Variants in LARP4 observed in about 807,000 individuals in gnomAD.
LARP4 encodes la-related protein 4.
A neutral mutation model predicts 92.9 loss-of-function variants in LARP4; 29 were observed. The ratio of observed to expected loss-of-function variants is 0.31; its 90% CI spans 0.23 to 0.43. The LOEUF (loss-of-function observed/expected upper bound fraction) is 0.43, where lower values mean the gene tolerates loss of function less well. Ranked by LOEUF, LARP4 falls within the 20% of genes least tolerant of loss-of-function variation. The pLI is 1.00. For missense variants in LARP4, 732 were observed against 860.0 expected (o/e 0.85, Z 1.86); for synonymous variants, 279 against 284.1 (o/e 0.98, Z 0.18).
chr12:50,419,898 C>A (rs1244425331), intron 1 of LARP4, among the ~76,000 whole-genome samples: 1 of 151,980 alleles, frequency 6.6e-6, no homozygotes, highest in Non-Finnish European at 1.5e-5. Flanking sequence ...AGAGTGAGAC[C>A]CTGTCTAAAA....
intron 3 of LARP4, 111 bp downstream of exon 3, chr12:50,429,201 AAAG>A (rs1409048060): frequency 1.3e-6 from 1 of 745,606 alleles, no homozygotes; most frequent in Non-Finnish European, 2.2e-6. Flanking sequence ...TCTTATTTGA[AAAG>A]AAGGTTACGT....
At chr12:50,470,575 A>G (rs1451490467) in intron 13 of LARP4, among the ~76,000 whole-genome samples, 1 of 152,094 alleles carries the variant, frequency 6.6e-6, no homozygotes, top group Non-Finnish European at 1.5e-5. Context: ...CTGGGATTAC[A>G]GGCACTTGCC....
At chr12:50,408,253 A>C (rs1945211985) in intron 1 of LARP4, among the ~76,000 whole-genome samples, 1 of 127,308 alleles carries the variant, frequency 7.9e-6, no homozygotes, top group Non-Finnish European at 1.6e-5. Context: ...GCTGGAGTGC[A>C]ATGGTGTGAT....
At chr12:50,412,242 T>C (rs983386176) in intron 1 of LARP4, among the ~76,000 whole-genome samples, 2 of 152,240 alleles carry the variant, frequency 1.3e-5, no homozygotes, top group Non-Finnish European at 2.9e-5. Context: ...GGTAGGATTC[T>C]GAAGTTACTT....
intron 8 of LARP4, among the ~76,000 whole-genome samples, chr12:50,449,795 G>A (rs1481345635): frequency 6.6e-6 from 1 of 151,692 alleles, no homozygotes; most frequent in Admixed American, 6.6e-5. Flanking sequence ...TAAAAGTGTT[G>A]ATTTTTTAGC....
chr12:50,412,352 T>A (rs1190290491), intron 1 of LARP4: 6 of 778,946 alleles, frequency 7.7e-6, no homozygotes, highest in Non-Finnish European at 9.3e-6. Flanking sequence ...CCTGGATGAT[T>A]GATGGGGCAA....
chr12:50,423,830 C>T (rs1948274774), intron 1 of LARP4, among the ~76,000 whole-genome samples: 1 of 151,436 alleles, frequency 6.6e-6, no homozygotes, highest in Admixed American at 6.6e-5. Context: ...CGGCTCACTG[C>T]AATCTCCACC....
In LARP4 at chr12:50,424,231, A is replaced by G. The variant is rs975535794; in HGVS notation, c.19-3531A>G. ...CAAATTTTTTTTTAATTAGTGGAGC[A>G]TGGTGTTCCAGGCCTGTAGTCCTAG... On this transcript the variant is annotated intron_variant, in intron 1 of 15. Coordinates refer to ENST00000398473, the MANE Select transcript of LARP4 (RefSeq NM_052879.5). Among the ~76,000 whole-genome samples, 107 of 152,226 alleles carry G rather than the reference A, an allele frequency of 7.0e-4. 1 individual carries two copies. The highest frequency in any genetic ancestry group is 1.3e-4 in the Non-Finnish European group (9 of 68,006).
intron 1 of LARP4, among the ~76,000 whole-genome samples, chr12:50,426,731 G>GTGTGTGTGTGTGTGTGTGT (rs1483728898): frequency 3.8e-5 from 3 of 79,724 alleles, no homozygotes; most frequent in African/African-American, 2.1e-4. Flanking sequence ...GTGTGTGTGT[G>GTGTGTGTGTGTGTGTGTGT]GTTTTTTTTT....
chr12:50,413,097 CCTGTGATCCCAG>C (rs1326345926), intron 1 of LARP4, among the ~76,000 whole-genome samples: 1 of 151,922 alleles, frequency 6.6e-6, no homozygotes, highest in African/African-American at 2.4e-5. Context: ...GTGGTGGGCG[CCTGTGATCCCAG>C]CTACTCAGGA....
In LARP4 at chr12:50,437,689, T is replaced by C. The variant is rs183651827; in HGVS notation, c.536-46T>C. On this transcript the variant is annotated intron_variant, in intron 5 of 15. Transcript: ENST00000398473. ...AGTTTCTTTAATGGCATTAATAATA[T>C]CACTACTTGTCACGTTTGAGTGATA... 9 of 1,069,848 alleles carry C rather than the reference T, an allele frequency of 8.4e-6. No homozygotes were observed. In the African/African-American group the frequency reaches 1.3e-4, roughly 15 times the overall value. The allele number at this position is 1,069,848 out of a possible 1,614,324, so 66.3% of individuals were successfully genotyped here.
intron 8 of LARP4, among the ~76,000 whole-genome samples, chr12:50,449,276 A>T (rs1952722412): frequency 6.6e-6 from 1 of 152,076 alleles, no homozygotes; most frequent in African/African-American, 2.4e-5. Flanking sequence ...AAAAATCTGT[A>T]GTTTTTTCCT....
At chr12:50,406,014 AT>A (rs200957786) in intron 1 of LARP4, among the ~76,000 whole-genome samples, 2 of 151,458 alleles carry the variant, frequency 1.3e-5, no homozygotes, top group South Asian at 2.1e-4. Context: ...AGATGCAATG[AT>A]TTTTTTTTCT....
chr12:50,469,937 TAGGC>T (rs67945533), intron 13 of LARP4, among the ~76,000 whole-genome samples: 105,759 of 151,356 alleles, frequency 0.7, 43,613 homozygotes, highest in Non-Finnish European at 0.93. Context: ...AAAAAATAAA[TAGGC>T]AGGCACATTG....
intron 1 of LARP4, among the ~76,000 whole-genome samples, chr12:50,426,530 G>A (rs7963866): frequency 0.99 from 151,075 of 152,138 alleles, 75,023 homozygotes; most frequent in Middle Eastern, 1. Flanking sequence ...CAATAATAAA[G>A]ATGACTGAAA....
chr12:50,426,681 T>TGGGG (rs200197282), intron 1 of LARP4, among the ~76,000 whole-genome samples: 29 of 109,364 alleles, frequency 2.7e-4, no homozygotes, highest in South Asian at 2.1e-3. Context: ...GCATTATGTT[T>TGGGG]GGGGTGTGTG....
chr12:50,448,583 G>A (rs917926388), intron 8 of LARP4, among the ~76,000 whole-genome samples: 2 of 152,090 alleles, frequency 1.3e-5, no homozygotes, highest in Non-Finnish European at 2.9e-5. Flanking sequence ...CTGGAGTGAA[G>A]TGTGGTCTTG....
chr12:50,413,823 A>G (rs2136484582), intron 1 of LARP4, among the ~76,000 whole-genome samples: 1 of 152,354 alleles, frequency 6.6e-6, no homozygotes, highest in African/African-American at 2.4e-5. Flanking sequence ...GCAAATTAAC[A>G]TTGATACAGT....
intron 3 of LARP4, among the ~76,000 whole-genome samples, chr12:50,430,154 T>C (rs957220098): frequency 2.0e-5 from 3 of 151,516 alleles, no homozygotes; most frequent in Non-Finnish European, 4.4e-5. Context: ...GCCCAGGAGT[T>C]TGAGAACAGT....
Sources: allele counts gnomAD v4.1 joint callset (sites outside exome capture counted in the v4.1 genomes callset), GRCh38; gene constraint gnomAD v4.1.1; transcripts MANE v1.5; gene names NCBI Gene and HGNC (gene_info 2026-07-23, HGNC 2026-07-21).